AOPEP: variants seen among roughly 807,000 people sequenced by gnomAD.
The protein encoded by AOPEP is aminopeptidase O (putative), also known as aminopeptidase O.
In AOPEP, 77 loss-of-function variants were observed where a neutral mutation model predicts 98.1. The observed-to-expected ratio is 0.78, with a 90% CI of 0.65 to 0.95. The LOEUF (loss-of-function observed/expected upper bound fraction) is 0.95. Ranked by LOEUF, AOPEP falls within the 40% of genes least tolerant of loss-of-function variation. The pLI is 0.00. For missense variants in AOPEP, 1,024 were observed against 1,024.7 expected, an observed-to-expected ratio of 1.00 and a Z score of 0.01; for synonymous variants, 346 against 365.3, an observed-to-expected ratio of 0.95 and a Z score of 0.60.
At position 94,759,722 on chromosome 9, in the gene AOPEP, T is replaced by C. The variant is rs1837839790; in HGVS notation, c.-62T>C. The C allele has an allele frequency of 1.5e-6, 2 of 1,303,270 alleles. No individual in the cohort carries two copies. Among genetic ancestry groups the C allele is most frequent in the Admixed American group, 4.3e-5 (2 of 46,296 alleles). The allele number at this position is 1,303,270 out of a possible 1,614,324, so 80.7% of individuals were successfully genotyped here. A position where few individuals can be genotyped will look rare whatever the true frequency, so the allele number is the denominator to read the frequency against. ...AGCAGCTATTTATGATTCTGGAAGA[T>C]TAAGGCAGATAGGAAACCCCATCTG... On this transcript the variant is annotated 5_prime_UTR_variant, in exon 2 of 17. Coordinates refer to ENST00000375315, the MANE Select transcript of AOPEP (RefSeq NM_001193329.3).
intron 5 of AOPEP, among the ~76,000 whole-genome samples, chr9:94,854,604 A>G (rs2043954330): frequency 6.6e-6 from 1 of 152,236 alleles, no homozygotes; most frequent in African/African-American, 2.4e-5. Context: ...CAAAGAACTA[A>G]TGACATACTA....
chr9:95,147,375 G>C, the AOPEP span, among the ~76,000 whole-genome samples: 1 of 152,182 alleles, frequency 6.6e-6, no homozygotes, highest in Admixed American at 6.5e-5. Flanking sequence ...AATTAGCTGG[G>C]CGTGATGGTG....
intron 7 of AOPEP, among the ~76,000 whole-genome samples, chr9:94,937,404 C>T (rs1470008108): frequency 2.0e-5 from 3 of 152,212 alleles, no homozygotes; most frequent in African/African-American, 7.2e-5. Context: ...TCTGCTCTTC[C>T]TAAAGGACAC....
intron 7 of AOPEP, among the ~76,000 whole-genome samples, chr9:94,937,204 C>G (rs553303114): frequency 6.6e-6 from 1 of 152,308 alleles, no homozygotes; most frequent in East Asian, 1.9e-4. Context: ...GGGCTGCTAG[C>G]CACCCATCAA....
chr9:95,124,305 T>C, the AOPEP span, among the ~76,000 whole-genome samples: 1 of 152,002 alleles, frequency 6.6e-6, no homozygotes, highest in Non-Finnish European at 1.5e-5. Context: ...CGACAGGCAA[T>C]GTGTCCCATA....
intron 4 of AOPEP, among the ~76,000 whole-genome samples, chr9:94,797,892 A>G (rs1847367639): frequency 6.6e-6 from 1 of 151,822 alleles, no homozygotes; most frequent in Non-Finnish European, 1.5e-5. Context: ...TTTAGTAGAG[A>G]TGGGTTTTAC....
intron 5 of AOPEP, among the ~76,000 whole-genome samples, chr9:94,848,227 C>A (rs60019551): frequency 6.6e-6 from 1 of 151,932 alleles, no homozygotes; most frequent in Non-Finnish European, 1.5e-5. Flanking sequence ...CCAAGGCGGG[C>A]GGGTCACAAG....
At chr9:95,117,416 A>G in the AOPEP span, 472 of 1,601,150 alleles carry the variant, frequency 2.9e-4, 6 homozygotes, top group South Asian at 4.9e-3. Context: ...AAATCCAAAG[A>G]GCATGAACAT....
At chr9:94,832,388 T>C (rs1001227370) in intron 5 of AOPEP, among the ~76,000 whole-genome samples, 3 of 152,212 alleles carry the variant, frequency 2.0e-5, no homozygotes, top group Admixed American at 6.5e-5. Flanking sequence ...CCTATGAGGT[T>C]GGCAGACATC....
At chr9:94,979,314 T>G in intron 10 of AOPEP, 53 bp from the exon 11 acceptor site, 1 of 1,213,506 alleles carries the variant, frequency 8.2e-7, no homozygotes, top group Non-Finnish European at 1.2e-6. Context: ...GTCTGTGTAA[T>G]AAGCGCTCTG....
chr9:95,104,014 G>A, the AOPEP span, among the ~76,000 whole-genome samples: 3 of 152,182 alleles, frequency 2.0e-5, no homozygotes, highest in Admixed American at 6.5e-5. Context: ...AGGTCCTGAG[G>A]GTGGAGAGAC....
chr9:95,015,604 A>G (rs769927520), intron 13 of AOPEP, among the ~76,000 whole-genome samples: 7 of 152,214 alleles, frequency 4.6e-5, no homozygotes, highest in Non-Finnish European at 8.8e-5. Context: ...GAAAACTATT[A>G]TAGGATAGAA....
intron 13 of AOPEP, among the ~76,000 whole-genome samples, chr9:95,006,982 G>C (rs186588935): frequency 6.7e-5 from 10 of 148,976 alleles, no homozygotes; most frequent in African/African-American, 2.5e-4. Flanking sequence ...GCTCATTGAA[G>C]CCTCGGCCTC....
chr9:94,884,866 G>A (rs903023786), intron 5 of AOPEP, among the ~76,000 whole-genome samples: 1 of 150,254 alleles, frequency 6.7e-6, no homozygotes, highest in Non-Finnish European at 1.5e-5. Context: ...AAAATTAGCT[G>A]GGCGTGGTGG....
chr9:95,012,042 A>G (rs182740051), intron 13 of AOPEP, among the ~76,000 whole-genome samples: 16 of 152,352 alleles, frequency 1.1e-4, no homozygotes, highest in Admixed American at 3.3e-4. Context: ...CATTACATGT[A>G]TCAGATCATG....
chr9:94,960,163 G>C (rs918724375), intron 9 of AOPEP, among the ~76,000 whole-genome samples: 1 of 152,180 alleles, frequency 6.6e-6, no homozygotes, highest in Non-Finnish European at 1.5e-5. Flanking sequence ...TGTAATCCCA[G>C]CACTTTGGGA....
intron 14 of AOPEP, among the ~76,000 whole-genome samples, chr9:95,072,206 A>G (rs1017840424): frequency 6.6e-6 from 1 of 152,210 alleles, no homozygotes; most frequent in Non-Finnish European, 1.5e-5. Flanking sequence ...CGTTTTATCC[A>G]AAGGCAGCCA....
intron 5 of AOPEP, among the ~76,000 whole-genome samples, chr9:94,862,527 A>G (rs1588598665): frequency 6.6e-6 from 1 of 152,162 alleles, no homozygotes; most frequent in African/African-American, 2.4e-5. Flanking sequence ...TCTGTTCATT[A>G]CTGAAACAGC....
chr9:95,005,248 C>T (rs1427005341), intron 12 of AOPEP, 28 bp downstream of exon 12: 32 of 1,074,270 alleles, frequency 3.0e-5, no homozygotes, highest in African/African-American at 3.4e-5. Flanking sequence ...GGTCCCTGCG[C>T]CCCGGTGGCG....
Sources: allele counts gnomAD v4.1 joint callset (sites outside exome capture counted in the v4.1 genomes callset), GRCh38; gene constraint gnomAD v4.1.1; transcripts MANE v1.5; gene names NCBI Gene and HGNC (gene_info 2026-07-23, HGNC 2026-07-21).